The following ATF2 variants were observed in gnomAD, a reference collection of about 807,000 sequenced individuals.
ATF2 encodes the protein cyclic AMP-dependent transcription factor ATF-2.
ATF2 carries 24 observed loss-of-function variants against 60.6 expected under a neutral mutation model. The ratio of observed to expected loss-of-function variants is 0.40; its 90% confidence interval spans 0.29 to 0.56. ATF2 has a LOEUF of 0.56. Ranked by LOEUF, ATF2 falls within the 20% of genes least tolerant of loss-of-function variation. The probability of loss-of-function intolerance (pLI) is 0.54; values close to 1 mark genes in which losing one functional copy is unlikely to be tolerated. For missense variants in ATF2, 433 were observed against 607.7 expected, an observed-to-expected ratio of 0.71 and a Z score of 3.02; for synonymous variants, 206 against 215.4, an observed-to-expected ratio of 0.96 and a Z score of 0.38.
chr2:175,083,668 T>C (rs1693925994), intron 12 of ATF2, among the ~76,000 whole-genome samples: 2 of 152,042 alleles, frequency 1.3e-5, no homozygotes, highest in South Asian at 4.2e-4. Flanking sequence ...CTAAAGAGCT[T>C]CTGCACAGCA....
rs775424633 is a variant in ATF2, at chr2:175,118,127, C to G, written c.319-9G>C. ...GATAAATCTAGAGGCATCTATAATT[C>G]AAATAATAAGGAAAAGGTTATAAGT... On this transcript the variant is annotated splice_polypyrimidine_tract_variant and intron_variant, in intron 6 of 13. Coordinates refer to ENST00000264110, the MANE Select transcript of ATF2 (RefSeq NM_001880.4). 1 of 1,607,178 alleles carries G rather than the reference C, an allele frequency of 6.2e-7. No homozygotes were observed. The highest frequency in any genetic ancestry group is 1.1e-5 in the South Asian group (1 of 90,038).
intron 4 of ATF2, among the ~76,000 whole-genome samples, chr2:175,126,383 T>G (rs1206997364): frequency 6.6e-6 from 1 of 152,116 alleles, no homozygotes; most frequent in Non-Finnish European, 1.5e-5. Context: ...ATGGGAATTA[T>G]GGATAAGACA....
intron 9 of ATF2, among the ~76,000 whole-genome samples, chr2:175,112,772 A>G (rs539032560): frequency 6.6e-6 from 1 of 152,140 alleles, no homozygotes; most frequent in Admixed American, 6.5e-5. Flanking sequence ...TTTTGTAGAG[A>G]TGGGGTTTTG....
chr2:175,118,414 A>C (rs764516872), intron 5 of ATF2, 45 bp from the exon 6 acceptor site: 1 of 1,476,790 alleles, frequency 6.8e-7, no homozygotes, highest in East Asian at 2.3e-5. Flanking sequence ...TAAATATGTT[A>C]AGACTCTAAA....
rs552796738 is a variant in ATF2, at chr2:175,142,103, G to C, written c.-43-5617C>G. 4.0e-5 allele frequency among the ~76,000 whole-genome samples: 6 copies of C among 151,786 alleles called. No individual in the cohort carries two copies. The South Asian group carries it at 6.3e-4, about 16-fold the overall frequency. On this transcript the variant is annotated intron_variant, in intron 2 of 13. Coordinates refer to ENST00000264110, the MANE Select transcript of ATF2 (RefSeq NM_001880.4). ...TAATATAGACATAAGAGGATCCTAT[G>C]AACTGAGAACACTTGCTTGATGTTC... is the stretch of plus-strand genomic sequence containing the variant.
intron 12 of ATF2, among the ~76,000 whole-genome samples, chr2:175,083,558 C>T (rs1428489794): frequency 4.6e-5 from 7 of 152,150 alleles, no homozygotes; most frequent in African/African-American, 1.7e-4. Context: ...AAAACCTAGG[C>T]ATTACCATTC....
At chr2:175,132,825 C>A (rs575204302) in intron 3 of ATF2, 1 of 152,248 alleles carries the variant, frequency 6.6e-6, no homozygotes, top group African/African-American at 2.4e-5. Context: ...GTGGCTCATG[C>A]CTGCAATCCC....
chr2:175,129,234 T>C (rs2105744271), intron 4 of ATF2, among the ~76,000 whole-genome samples: 1 of 152,258 alleles, frequency 6.6e-6, no homozygotes, highest in Non-Finnish European at 1.5e-5. Context: ...TATGATTCCA[T>C]TTATACAAAA....
chr2:175,080,588 T>C, intron 13 of ATF2, 72 bp downstream of exon 13: 3 of 1,123,146 alleles, frequency 2.7e-6, no homozygotes, highest in East Asian at 2.5e-5. Flanking sequence ...ATTTTTAAAG[T>C]AGCAGCTCAG....
chr2:175,131,601 C>G (rs1697733504), intron 3 of ATF2, among the ~76,000 whole-genome samples: 1 of 152,130 alleles, frequency 6.6e-6, no homozygotes, highest in African/African-American at 2.4e-5. Flanking sequence ...ATGATATCTG[C>G]GATTTATCTA....
chr2:175,098,947 A>G (rs1157485952), intron 10 of ATF2, among the ~76,000 whole-genome samples: 1 of 152,150 alleles, frequency 6.6e-6, no homozygotes, highest in Non-Finnish European at 1.5e-5. Context: ...TGCGTGAACA[A>G]ATGTTAGTGG....
chr2:175,111,420 T>C, intron 10 of ATF2, 148 bp downstream of exon 10: 1 of 528,992 alleles, frequency 1.9e-6, no homozygotes, highest in Non-Finnish European at 3.0e-6. Context: ...GATTTCTTTT[T>C]TCAAATTTTG....
At chr2:175,087,919 G>A (rs1694278757) in intron 12 of ATF2, among the ~76,000 whole-genome samples, 2 of 152,140 alleles carry the variant, frequency 1.3e-5, no homozygotes, top group African/African-American at 2.4e-5. Flanking sequence ...CTTGTTTCAT[G>A]TCTGTCTCCT....
intron 10 of ATF2, among the ~76,000 whole-genome samples, chr2:175,099,393 G>A (rs1035253213): frequency 2.6e-5 from 4 of 152,060 alleles, no homozygotes; most frequent in African/African-American, 7.2e-5. Context: ...GTGAGCCATC[G>A]TGCCTGGCCT....
intron 12 of ATF2, among the ~76,000 whole-genome samples, chr2:175,086,289 G>A (rs1694161780): frequency 6.6e-6 from 1 of 152,112 alleles, no homozygotes; most frequent in Non-Finnish European, 1.5e-5. Context: ...ATCACCACTA[G>A]ATTAAAAGCA....
chr2:175,152,847 T>G (rs1268339766), intron 1 of ATF2, among the ~76,000 whole-genome samples: 3 of 152,202 alleles, frequency 2.0e-5, no homozygotes, highest in Admixed American at 1.3e-4. Context: ...GGAGCAGCAA[T>G]TCAAAGGACA....
chr2:175,116,259 G>A (rs187021757), intron 7 of ATF2, among the ~76,000 whole-genome samples: 1 of 152,080 alleles, frequency 6.6e-6, no homozygotes, highest in Admixed American at 6.5e-5. Flanking sequence ...ATGATGGTTT[G>A]GGCTTACGTG....
chr2:175,149,663 A>G (rs1314156750), intron 2 of ATF2, among the ~76,000 whole-genome samples: 1 of 152,188 alleles, frequency 6.6e-6, no homozygotes, highest in Non-Finnish European at 1.5e-5. Flanking sequence ...AGGATCAGTT[A>G]TGAAAAAAAC....
intron 1 of ATF2, among the ~76,000 whole-genome samples, chr2:175,163,982 T>C (rs1181526064): frequency 2.2e-5 from 3 of 138,052 alleles, no homozygotes; most frequent in East Asian, 4.2e-4. Flanking sequence ...CAAGAATAAA[T>C]TGAAAAGATA....
Sources: allele counts gnomAD v4.1 joint callset (sites outside exome capture counted in the v4.1 genomes callset), GRCh38; gene constraint gnomAD v4.1.1; transcripts MANE v1.5; gene names NCBI Gene and HGNC (gene_info 2026-07-23, HGNC 2026-07-21).